Variants in ITGA11 observed in about 807,000 individuals in gnomAD.
ITGA11 encodes the protein integrin subunit alpha 11.
ITGA11 carries 97 observed loss-of-function variants against 141.9 expected under a neutral mutation model. The observed-to-expected ratio is 0.68, with a 90% CI of 0.58 to 0.81. ITGA11 has a LOEUF of 0.81. Among genes scored for constraint, ITGA11 ranks in the 30% least tolerant of loss-of-function variants. ITGA11 has a pLI of 0.00. For synonymous variants in ITGA11, 658 were observed against 624.6 expected (o/e 1.05, Z -0.80); for missense variants, 1,387 against 1,559.2 (o/e 0.89, Z 1.86).
Position 68,417,851 on chromosome 15 carries a change from A to T in ITGA11, c.52+14164T>A, listed in dbSNP as rs143918061. ...CATGGCCTCTGAGAAAGGAGAATCCATTGCTATGGAGAATCTGTTCTTCTC... is the reference window on the plus strand; with the variant it reads ...CATGGCCTCTGAGAAAGGAGAATCCTTTGCTATGGAGAATCTGTTCTTCTC... On this transcript the variant is annotated intron_variant, in intron 1 of 29. Coordinates refer to ENST00000315757, the MANE Select transcript of ITGA11 (RefSeq NM_001004439.2). Among the ~76,000 whole-genome samples the T allele has an allele frequency of 4.9e-3, 741 of 152,368 alleles. 5 individuals are homozygous for T. The highest frequency in any genetic ancestry group is 0.017 in the African/African-American group (699 of 41,582).
intron 5 of ITGA11, among the ~76,000 whole-genome samples, chr15:68,360,245 TG>T (rs1272530491): frequency 3.3e-5 from 5 of 152,234 alleles, no homozygotes; most frequent in African/African-American, 1.2e-4. Context: ...CAGGCAGCAG[TG>T]GGGGTGACCA....
In ITGA11 at chr15:68,331,121, G is replaced by A. The variant is rs370767629; in HGVS notation, c.1771-10C>T. The stretch of plus-strand genomic sequence containing the variant: ...CTGAGGCTGTGATTCTCTGCAGGGC[G>A]CGGGAAGAGAGGGGGAGGGCATGCA... On this transcript the variant is annotated splice_polypyrimidine_tract_variant and intron_variant, in intron 14 of 29. Transcript: ENST00000315757. 52 of 1,583,750 alleles carry A rather than the reference G, an allele frequency of 3.3e-5. 1 individual carries two copies. The highest frequency in any genetic ancestry group is 3.4e-4 in the Middle Eastern group (2 of 5,918).
chr15:68,423,369 TG>T (rs1246106126), intron 1 of ITGA11, among the ~76,000 whole-genome samples: 1 of 151,768 alleles, frequency 6.6e-6, no homozygotes, highest in Non-Finnish European at 1.5e-5. Context: ...AAGAATAAGT[TG>T]GGGGCAGCCA....
intron 1 of ITGA11, among the ~76,000 whole-genome samples, chr15:68,403,982 G>C (rs925289704): frequency 1.3e-5 from 2 of 152,146 alleles, no homozygotes; most frequent in African/African-American, 4.8e-5. Flanking sequence ...AGTCTGAATG[G>C]AAGACCTGTC....
Position 68,326,912 on chromosome 15 carries a change from C to A in ITGA11, c.2069-116G>T. ...CAGGGGAGAGCTGTTCCTTTCCTCT[C>A]ACGAGCCCCAGTGTGGGTGAGAAAC... On this transcript the variant is annotated intron_variant, in intron 16 of 29. Coordinates refer to ENST00000315757, the MANE Select transcript of ITGA11 (RefSeq NM_001004439.2). This position sits in a 1 kb window ranked among gnomAD's most constrained non-coding sequence, Gnocchi z 6.8. 1.8e-6 allele frequency: 2 copies of A among 1,137,914 alleles called. No individual in the cohort carries two copies. Among genetic ancestry groups the A allele is most frequent in the South Asian group, 1.7e-5 (1 of 58,540 alleles). The allele number at this position is 1,137,914 out of a possible 1,614,324, so 70.5% of individuals were successfully genotyped here.
chr15:68,360,586 G>T (rs1216895983), intron 5 of ITGA11, among the ~76,000 whole-genome samples: 2 of 152,146 alleles, frequency 1.3e-5, no homozygotes, highest in Non-Finnish European at 2.9e-5. Flanking sequence ...GAGCAATGCT[G>T]CTGGTCAGCC....
chr15:68,332,406 C>A lies in ITGA11; in HGVS notation c.1498G>T (p.Val500Leu). 6.2e-7 allele frequency: 1 copy of A among 1,611,040 alleles called. No homozygotes were observed. Among genetic ancestry groups the A allele is most frequent in the South Asian group, 1.1e-5 (1 of 90,224 alleles). Residue 500 changes from valine (V) to leucine (L), a missense_variant, in exon 13 of 30, where the codon GTG (valine) becomes TTG (leucine). Transcript: ENST00000315757. ...DGDGVTDVLL[V>L]GAPMYFNEGR... Reference sequence around the variant, plus strand: ...TCGTTGAAGTACATGGGTGCGCCCACCAGCAGGACATCAGTCACGCCGTCG... The same window carrying A: ...TCGTTGAAGTACATGGGTGCGCCCAACAGCAGGACATCAGTCACGCCGTCG...
intron 2 of ITGA11, among the ~76,000 whole-genome samples, chr15:68,382,263 A>G (rs939771163): frequency 1.3e-5 from 2 of 152,332 alleles, no homozygotes; most frequent in Admixed American, 1.3e-4. Flanking sequence ...TTGGCTCGGC[A>G]GTTGGAAAGT....
rs1895136556 is a variant in ITGA11, at chr15:68,358,446, A to G, written c.600+12T>C. 1.2e-6 allele frequency: 2 copies of G among 1,601,504 alleles called. No individual in the cohort carries two copies. Among genetic ancestry groups the G allele is most frequent in the Non-Finnish European group, 1.7e-6 (2 of 1,173,746 alleles). On this transcript the variant is annotated intron_variant, in intron 6 of 29. Transcript: ENST00000315757. ...CCTGTTCAGAAGTGGAAAGAGCCCAAGAGATGCTCACCTGGATCTGCCCTG... is the reference window on the plus strand; with the variant it reads ...CCTGTTCAGAAGTGGAAAGAGCCCAGGAGATGCTCACCTGGATCTGCCCTG...
chr15:68,311,113 C>G (rs780015298), intron 25 of ITGA11, 33 bp from the exon 26 acceptor site: 2 of 1,517,570 alleles, frequency 1.3e-6, no homozygotes, highest in African/African-American at 2.7e-5. Flanking sequence ...CACACACATA[C>G]ACAGCCTCAC....
rs568433263 is a variant in ITGA11, at chr15:68,321,749, C to T, written c.2323-246G>A. Among the ~76,000 whole-genome samples, 2 of 152,276 alleles carry T rather than the reference C, an allele frequency of 1.3e-5. No homozygotes were observed. Among genetic ancestry groups the T allele is most frequent in the East Asian group, 3.9e-4 (2 of 5,184 alleles). ...TGAGCTGATGGCACAGAACCCCCAC[C>T]CCCACTCACCCAGCAGAGCGGTTCT... On this transcript the variant is annotated intron_variant, in intron 18 of 29. Coordinates refer to ENST00000315757, the MANE Select transcript of ITGA11 (RefSeq NM_001004439.2). This position sits in a 1 kb window ranked among gnomAD's most constrained non-coding sequence, Gnocchi z 4.9.
At chr15:68,410,191 G>A (rs1219594096) in intron 1 of ITGA11, among the ~76,000 whole-genome samples, 1 of 152,230 alleles carries the variant, frequency 6.6e-6, no homozygotes, top group Non-Finnish European at 1.5e-5. Context: ...GCCAGAGGAA[G>A]CCGATCTGTG....
chr15:68,416,293 G>T (rs1036815625), intron 1 of ITGA11, among the ~76,000 whole-genome samples: 4 of 152,220 alleles, frequency 2.6e-5, no homozygotes, highest in Admixed American at 2.0e-4. Flanking sequence ...CTGTGGAGGA[G>T]TGAGGGTCCC....
chr15:68,378,994 C>G (rs1015680529), intron 2 of ITGA11, among the ~76,000 whole-genome samples: 4 of 152,202 alleles, frequency 2.6e-5, no homozygotes, highest in Admixed American at 2.0e-4. Context: ...AGGAAGTTCT[C>G]AACCCATCTG....
chr15:68,377,316 G>A (rs1054911219), intron 2 of ITGA11, among the ~76,000 whole-genome samples: 2 of 152,048 alleles, frequency 1.3e-5, no homozygotes, highest in South Asian at 2.1e-4. Context: ...CTGTTGCCCC[G>A]GCTGGAGTGC....
chr15:68,380,132 C>T (rs1193160506), intron 2 of ITGA11, among the ~76,000 whole-genome samples: 1 of 152,208 alleles, frequency 6.6e-6, no homozygotes, highest in Non-Finnish European at 1.5e-5. Flanking sequence ...CCCCAAATCA[C>T]GTGGTCAGGT....
At chr15:68,320,471 A>G in intron 19 of ITGA11, 79 bp from the exon 20 acceptor site, 1 of 1,265,308 alleles carries the variant, frequency 7.9e-7, no homozygotes, top group East Asian at 2.6e-5. Context: ...GGGTTGGGGC[A>G]AAAAGGTGGG....
chr15:68,317,578 C>T (rs1054623727), intron 20 of ITGA11, among the ~76,000 whole-genome samples: 3 of 151,954 alleles, frequency 2.0e-5, no homozygotes, highest in Admixed American at 6.6e-5. Context: ...TGGCATGACA[C>T]GGGGCGGGAC....
Position 68,349,916 on chromosome 15 carries a change from C to T in ITGA11, c.1060+701G>A, listed in dbSNP as rs141572384. Among the ~76,000 whole-genome samples, 42 of 152,234 alleles carry T rather than the reference C, an allele frequency of 2.8e-4. 1 individual carries two copies. Among genetic ancestry groups the T allele is most frequent in the African/African-American group, 9.9e-4 (41 of 41,540 alleles). The stretch of plus-strand genomic sequence containing the variant: ...GGGTTGCCTGATGCAATATAGGATG[C>T]CCAATTAAAACTGAATTTCAGAGAA... On this transcript the variant is annotated intron_variant, in intron 9 of 29. Coordinates refer to ENST00000315757, the MANE Select transcript of ITGA11 (RefSeq NM_001004439.2).
Sources: gnomAD v4.1 joint callset for allele counts (sites outside exome capture counted in the v4.1 genomes callset) on GRCh38, gnomAD v4.1.1 for gene constraint, Gnocchi (gnomAD v3.1) non-coding constraint, MANE v1.5 for transcripts, NCBI Gene and HGNC (gene_info 2026-07-23, HGNC 2026-07-21) for gene names.